ZNF487: variants seen among roughly 807,000 people sequenced by gnomAD.
ZNF487 encodes zinc finger protein 487, also known as KRAB domain only 1.
Under a neutral mutation model 3.0 loss-of-function variants are expected in ZNF487, and 4 were observed. The observed-to-expected ratio is 1.35, with a 90% CI of 0.66 to 3.08. The LOEUF (loss-of-function observed/expected upper bound fraction) is 3.08. Among genes scored for constraint, ZNF487 ranks in the 30% most tolerant of loss-of-function variants. The pLI is 0.01. For synonymous variants in ZNF487, 55 were observed against 34.6 expected (o/e 1.59, Z -2.06); for missense variants, 146 against 98.7 (o/e 1.48, Z -2.03).
the ZNF487 span, among the ~76,000 whole-genome samples, chr10:43,493,709 A>AAAAAAAAAAAAAATATATATATATAT: frequency 2.3e-5 from 1 of 43,704 alleles, no homozygotes; most frequent in African/African-American, 8.7e-5. Flanking sequence ...AAAAAAAAAA[A>AAAAAAAAAAAAAATATATATATATAT]ATATATATAT....
At chr10:43,453,217 G>A (rs568988029) in intron 1 of ZNF487, 1 of 152,200 alleles carries the variant, frequency 6.6e-6, no homozygotes, top group African/African-American at 2.4e-5. Context: ...ATGGCTCCTT[G>A]AGAAAGCAAT....
At chr10:43,449,678 A>AT (rs769387408) in intron 1 of ZNF487, among the ~76,000 whole-genome samples, 2,313 of 130,958 alleles carry the variant, frequency 0.018, 46 homozygotes, top group African/African-American at 0.053. Flanking sequence ...GTATTGAAGC[A>AT]TTTTTTTTTT....
the ZNF487 span, among the ~76,000 whole-genome samples, chr10:43,499,247 A>C: frequency 6.6e-6 from 1 of 152,226 alleles, no homozygotes; most frequent in Admixed American, 6.5e-5. Flanking sequence ...AAAGGGTAAT[A>C]AAGTATTGGA....
chr10:43,499,607 C>A, the ZNF487 span, among the ~76,000 whole-genome samples: 1 of 151,914 alleles, frequency 6.6e-6, no homozygotes, highest in Non-Finnish European at 1.5e-5. Context: ...AAAAATTAGC[C>A]AGGCAAAGTG....
intron 1 of ZNF487, among the ~76,000 whole-genome samples, chr10:43,461,112 T>G (rs1002354614): frequency 6.6e-6 from 1 of 151,960 alleles, no homozygotes; most frequent in Admixed American, 6.6e-5. Context: ...GTTCAAGCGA[T>G]TCCCCTGCCT....
chr10:43,507,282 A>G, the ZNF487 span, among the ~76,000 whole-genome samples: 1 of 152,286 alleles, frequency 6.6e-6, no homozygotes, highest in Middle Eastern at 3.4e-3. Context: ...TACAGATGTT[A>G]TTTGTGATTG....
At chr10:43,461,563 C>G (rs554648486) in intron 1 of ZNF487, among the ~76,000 whole-genome samples, 1 of 152,016 alleles carries the variant, frequency 6.6e-6, no homozygotes, top group East Asian at 1.9e-4. Flanking sequence ...TCAAGTGATC[C>G]TCCTGTCTTG....
chr10:43,470,314 G>A (rs189110064), intron 1 of ZNF487, among the ~76,000 whole-genome samples: 99 of 151,828 alleles, frequency 6.5e-4, no homozygotes, highest in Admixed American at 2.8e-3. Context: ...CCTGGGCTTC[G>A]GTGATACTCC....
downstream of ZNF487, among the ~76,000 whole-genome samples, chr10:43,484,482 C>G (rs964712292): frequency 6.6e-6 from 1 of 151,892 alleles, no homozygotes; most frequent in African/African-American, 2.4e-5. Flanking sequence ...TGGTGGGCAC[C>G]TATAATCTCA....
the ZNF487 span, among the ~76,000 whole-genome samples, chr10:43,498,091 ATATATATATTTTTTTTTTTTTTCTT>A: frequency 1.4e-3 from 40 of 27,954 alleles, 3 homozygotes; most frequent in African/African-American, 3.6e-3. Context: ...ATATATATAT[ATATATATATTTTTTTTTTTTTTCTT>A]TTTTTTTTTT....
Position 43,447,217 on chromosome 10 carries a change from C to T in ZNF487, c.-94+9955C>T, listed in dbSNP as rs538590905. ...GGGGGAGACCGTGGAAAGCGGGAGACGGAGACGACGGAGAGGGGAGAGGGA... is the reference window on the plus strand; with the variant it reads ...GGGGGAGACCGTGGAAAGCGGGAGATGGAGACGACGGAGAGGGGAGAGGGA... On this transcript the variant is annotated intron_variant, in intron 1 of 3. Transcript: ENST00000437590. Among the ~76,000 whole-genome samples, 50 of 149,464 alleles carry T rather than the reference C, an allele frequency of 3.3e-4. 1 individual carries two copies. The highest frequency in any genetic ancestry group is 2.8e-3 in the South Asian group (13 of 4,722).
the ZNF487 span, among the ~76,000 whole-genome samples, chr10:43,508,462 T>C: frequency 1.3e-5 from 2 of 152,110 alleles, no homozygotes; most frequent in South Asian, 2.1e-4. Context: ...AATGAAGTCA[T>C]TGGCACTTAA....
intron 1 of ZNF487, among the ~76,000 whole-genome samples, chr10:43,441,713 A>G (rs1316105863): frequency 6.6e-6 from 1 of 151,824 alleles, no homozygotes; most frequent in African/African-American, 2.4e-5. Context: ...CAGCCTCCTG[A>G]GTACCTTGGA....
At chr10:43,513,123 C>A in the ZNF487 span, among the ~76,000 whole-genome samples, 2 of 152,158 alleles carry the variant, frequency 1.3e-5, no homozygotes, top group Non-Finnish European at 2.9e-5. Context: ...TGATATCTTG[C>A]GGCAGCGAAA....
the ZNF487 span, among the ~76,000 whole-genome samples, chr10:43,510,887 A>T: frequency 6.6e-6 from 1 of 152,206 alleles, no homozygotes; most frequent in Non-Finnish European, 1.5e-5. Flanking sequence ...AGGTAGAAGA[A>T]GCCCAAAGTG....
At chr10:43,523,867 A>C in the ZNF487 span, 1 of 152,082 alleles carries the variant, frequency 6.6e-6, no homozygotes, top group Non-Finnish European at 1.5e-5. Flanking sequence ...CTAAATAAAC[A>C]CCATGGAGGA....
At chr10:43,477,733 C>T (rs1018366011) in intron 3 of ZNF487, among the ~76,000 whole-genome samples, 4 of 151,286 alleles carry the variant, frequency 2.6e-5, no homozygotes, top group Non-Finnish European at 5.9e-5. Flanking sequence ...GGGTTGGTCA[C>T]CTGAGGTCAG....
At chr10:43,451,635 G>A (rs1172048481) in intron 1 of ZNF487, among the ~76,000 whole-genome samples, 11 of 143,852 alleles carry the variant, frequency 7.6e-5, no homozygotes, top group African/African-American at 2.6e-4. Context: ...GCGTGATCTC[G>A]GCTCACTGCA....
chr10:43,493,555 G>T, the ZNF487 span, among the ~76,000 whole-genome samples: 1 of 151,502 alleles, frequency 6.6e-6, no homozygotes, highest in Admixed American at 6.6e-5. Flanking sequence ...TCCAGGTGTG[G>T]TGATGCATGC....
Sources: allele counts gnomAD v4.1 joint callset (sites outside exome capture counted in the v4.1 genomes callset), GRCh38; gene constraint gnomAD v4.1.1; transcripts MANE v1.5; gene names NCBI Gene and HGNC (gene_info 2026-07-23, HGNC 2026-07-21).